Variants in DMD observed in about 807,000 individuals in gnomAD.
DMD encodes mutant dystrophin.
DMD carries 63 observed loss-of-function variants against 330.1 expected under a neutral mutation model. That is an observed-to-expected ratio of 0.19 (90% CI 0.16 to 0.24). The LOEUF (loss-of-function observed/expected upper bound fraction) is 0.24, where lower values mean the gene tolerates loss of function less well. Among genes scored for constraint, DMD ranks in the 10% least tolerant of loss-of-function variants. The pLI is 1.00. For synonymous variants in DMD, 1,223 were observed against 959.8 expected (o/e 1.27, Z -5.07); for missense variants, 3,344 against 2,684.1 (o/e 1.25, Z -5.43).
At chrX:32,141,068 A>T (rs150430708) in intron 44 of DMD, among the ~76,000 whole-genome samples, 1,812 of 110,983 alleles carry the variant, frequency 0.016, 47 homozygotes, top group African/African-American at 0.056. Flanking sequence ...GGTACATAGG[A>T]GTTTTGGTCA....
chrX:32,794,262 A>T (rs2076027593), intron 7 of DMD, among the ~76,000 whole-genome samples: 1 of 112,230 alleles, frequency 8.9e-6, no homozygotes, highest in African/African-American at 3.2e-5. Flanking sequence ...GTAGTATCAA[A>T]CTGAATGGGG....
chrX:31,360,222 CA>C (rs1690366727), intron 60 of DMD, among the ~76,000 whole-genome samples: 1 of 111,201 alleles, frequency 9.0e-6, no homozygotes, highest in Admixed American at 9.6e-5. Context: ...GGAAGGCATT[CA>C]AATATTTTTT....
At chrX:31,441,441 C>G (rs945896819) in intron 60 of DMD, among the ~76,000 whole-genome samples, 1 of 112,132 alleles carries the variant, frequency 8.9e-6, no homozygotes, top group Non-Finnish European at 1.9e-5. Context: ...AAGTGATCCG[C>G]CTGCCTCGGC....
chrX:32,999,774 T>TCCAAAA (rs2093225132), intron 2 of DMD, among the ~76,000 whole-genome samples: 1 of 93,070 alleles, frequency 1.1e-5, no homozygotes, highest in African/African-American at 4.2e-5. Context: ...AGACTCCATC[T>TCCAAAA]CAAAAACAAA....
intron 43 of DMD, among the ~76,000 whole-genome samples, chrX:32,257,118 G>A (rs2097302585): frequency 9.0e-6 from 1 of 111,680 alleles, no homozygotes; most frequent in African/African-American, 3.3e-5. Context: ...GGGATGTGAA[G>A]GACCTCTTCA....
intron 60 of DMD, among the ~76,000 whole-genome samples, chrX:31,387,750 T>TTA (rs2060511238): frequency 9.0e-6 from 1 of 111,043 alleles, no homozygotes; most frequent in Admixed American, 9.6e-5. Context: ...CAAGGACTTT[T>TTA]TATGTGTTGC....
intron 3 of DMD, among the ~76,000 whole-genome samples, chrX:32,848,240 G>C (rs904350213): frequency 9.0e-6 from 1 of 111,607 alleles, no homozygotes; most frequent in Admixed American, 9.6e-5. Flanking sequence ...GAAGACACTG[G>C]GACTTCTGTA....
intron 43 of DMD, among the ~76,000 whole-genome samples, chrX:32,233,602 TA>T (rs2097176699): frequency 1.7e-5 from 1 of 58,764 alleles, no homozygotes; most frequent in African/African-American, 7.7e-5. Flanking sequence ...CTTTTTCTTT[TA>T]TTTATTTATT....
At chrX:31,387,063 C>A (rs1255718684) in intron 60 of DMD, among the ~76,000 whole-genome samples, 1 of 111,798 alleles carries the variant, frequency 8.9e-6, no homozygotes, top group Non-Finnish European at 1.9e-5. Flanking sequence ...ACAGGTGACA[C>A]AAAATCCTTG....
At chrX:32,960,532 C>T (rs2091840241) in intron 2 of DMD, among the ~76,000 whole-genome samples, 1 of 111,768 alleles carries the variant, frequency 8.9e-6, no homozygotes, top group African/African-American at 3.3e-5. Flanking sequence ...ATTTAGCAAA[C>T]GTAGAGGTTT....
At chrX:32,793,335 T>C (rs1417044004) in intron 7 of DMD, among the ~76,000 whole-genome samples, 35 of 110,616 alleles carry the variant, frequency 3.2e-4, no homozygotes, top group Admixed American at 2.7e-3. Context: ...ATCAAAAATG[T>C]TGAAATATTT....
At chrX:31,373,615 A>G (rs6628603) in intron 60 of DMD, among the ~76,000 whole-genome samples, 49,078 of 101,300 alleles carry the variant, frequency 0.48, 10,062 homozygotes, top group African/African-American at 0.6. Context: ...CTGGCTAGCC[A>G]TATGTAGAAA....
intron 50 of DMD, among the ~76,000 whole-genome samples, chrX:31,774,778 T>G (rs776311933): frequency 1.3e-3 from 147 of 111,869 alleles, no homozygotes; most frequent in African/African-American, 4.7e-3. Context: ...TTCAGATTGT[T>G]AGTAAACTGG....
At chrX:31,372,080 G>A (rs2178618) in intron 60 of DMD, among the ~76,000 whole-genome samples, 32,752 of 110,623 alleles carry the variant, frequency 0.3, 3,960 homozygotes, top group East Asian at 0.47. Flanking sequence ...GAGCTTAATG[G>A]GGGTGCTGGT....
intron 51 of DMD, among the ~76,000 whole-genome samples, chrX:31,768,111 A>T (rs2090115202): frequency 8.9e-6 from 1 of 111,796 alleles, no homozygotes; most frequent in African/African-American, 3.3e-5. Context: ...TATTCAATAC[A>T]AGTGCAGTGG....
At chrX:32,339,579 T>C (rs375551837) in intron 41 of DMD, among the ~76,000 whole-genome samples, 260 of 111,762 alleles carry the variant, frequency 2.3e-3, no homozygotes, top group African/African-American at 8.1e-3. Context: ...TCCCTCAAAG[T>C]CTCAGTCCTT....
intron 74 of DMD, among the ~76,000 whole-genome samples, chrX:31,159,127 C>T (rs1185320282): frequency 8.9e-6 from 1 of 111,803 alleles, no homozygotes; most frequent in Admixed American, 9.5e-5. Flanking sequence ...TTTATGTACC[C>T]AGTGCTGTGG....
intron 1 of DMD, among the ~76,000 whole-genome samples, chrX:33,073,087 A>T (rs190992206): frequency 8.9e-6 from 1 of 112,047 alleles, no homozygotes; most frequent in East Asian, 2.8e-4. Context: ...TCAGAGATTT[A>T]TAACAAAATT....
At chrX:33,041,407 C>T (rs2094298918) in intron 1 of DMD, 5 of 1,195,017 alleles carry the variant, frequency 4.2e-6, no homozygotes, top group South Asian at 1.8e-5. Flanking sequence ...GGCCGATCCT[C>T]GCGTGAGACA....
Sources: allele counts gnomAD v4.1 joint callset (sites outside exome capture counted in the v4.1 genomes callset), GRCh38; gene constraint gnomAD v4.1.1; transcripts MANE v1.5; gene names NCBI Gene and HGNC (gene_info 2026-07-23, HGNC 2026-07-21).